Variants in GRIP1 observed in about 807,000 individuals in gnomAD.
GRIP1 encodes glutamate receptor interacting protein 1, also known as glutamate receptor-interacting protein 1.
GRIP1 carries 45 observed loss-of-function variants against 129.9 expected under a neutral mutation model. The observed-to-expected ratio is 0.35, with a 90% CI of 0.27 to 0.44. The LOEUF is 0.44. GRIP1 is among the 20% of genes least tolerant of loss of function. GRIP1 has a pLI of 1.00. For synonymous variants in GRIP1, 530 were observed against 520.8 expected (o/e 1.02, Z -0.24); for missense variants, 1,196 against 1,396.8 (o/e 0.86, Z 2.29).
chr12:66,466,365 T>C (rs1783152817), intron 7 of GRIP1, among the ~76,000 whole-genome samples: 1 of 152,188 alleles, frequency 6.6e-6, no homozygotes, highest in African/African-American at 2.4e-5. Flanking sequence ...GAATAATGAT[T>C]AGCACATCAG....
intron 1 of GRIP1, among the ~76,000 whole-genome samples, chr12:66,991,603 T>C (rs1297923776): frequency 1.3e-5 from 2 of 152,214 alleles, no homozygotes. Flanking sequence ...AGAGAAAACT[T>C]GGGCACAGCC....
intron 1 of GRIP1, among the ~76,000 whole-genome samples, chr12:66,623,205 C>G (rs1338759435): frequency 6.6e-6 from 1 of 152,140 alleles, no homozygotes; most frequent in Non-Finnish European, 1.5e-5. Context: ...GAGATATAGC[C>G]TAAGTCTCTC....
intron 1 of GRIP1, among the ~76,000 whole-genome samples, chr12:66,655,903 G>C (rs1191533203): frequency 6.6e-6 from 1 of 152,020 alleles, no homozygotes; most frequent in East Asian, 1.9e-4. Context: ...CTGGCCTTCT[G>C]TACTTTTATG....
chr12:66,538,751 C>T (rs571264669), intron 4 of GRIP1, among the ~76,000 whole-genome samples: 1 of 151,036 alleles, frequency 6.6e-6, no homozygotes, highest in South Asian at 2.1e-4. Context: ...TACAGGTGTG[C>T]ACCACCATGC....
chr12:66,976,796 G>A (rs1297694709), intron 1 of GRIP1, among the ~76,000 whole-genome samples: 1 of 152,120 alleles, frequency 6.6e-6, no homozygotes, highest in African/African-American at 2.4e-5. Context: ...ACTATCTGAA[G>A]ACTTCTGCCT....
At chr12:66,442,921 T>C (rs1565741937) in intron 13 of GRIP1, among the ~76,000 whole-genome samples, 1 of 152,208 alleles carries the variant, frequency 6.6e-6, no homozygotes, top group Non-Finnish European at 1.5e-5. Context: ...ATATAAGCTT[T>C]TTTTACTTTC....
At chr12:66,672,974 A>T (rs1416712040) in intron 1 of GRIP1, among the ~76,000 whole-genome samples, 3 of 152,162 alleles carry the variant, frequency 2.0e-5, no homozygotes, top group Non-Finnish European at 2.9e-5. Flanking sequence ...AGGTTGACAT[A>T]TCTTCTAATT....
chr12:66,690,765 G>A (rs528147358), intron 1 of GRIP1, among the ~76,000 whole-genome samples: 28 of 148,848 alleles, frequency 1.9e-4, no homozygotes, highest in African/African-American at 6.2e-4. Flanking sequence ...ACAAGTTCTC[G>A]CTATGTTGCT....
chr12:66,548,557 C>T (rs1473826208), intron 2 of GRIP1, among the ~76,000 whole-genome samples: 5 of 152,146 alleles, frequency 3.3e-5, no homozygotes, highest in African/African-American at 9.7e-5. Context: ...CTATGCCACC[C>T]AGAGGCAACA....
chr12:66,867,502 A>G lies in GRIP1; in HGVS notation c.58+201548T>C, dbSNP rs2040227026. 3.3e-5 allele frequency among the ~76,000 whole-genome samples: 5 copies of G among 152,260 alleles called. No individual in the cohort carries two copies. In the South Asian group the frequency reaches 1.0e-3, roughly 32 times the overall value. On this transcript the variant is annotated intron_variant, in intron 1 of 1. Coordinates refer to the GRIP1 transcript ENST00000643019. ...CAAAGTGTAGGCAAGGGTCCTACGA[A>G]AGATTTCAAATATACTTGTTATGTT...
At chr12:67,002,228 A>G (rs1318914718) in intron 1 of GRIP1, among the ~76,000 whole-genome samples, 1 of 152,198 alleles carries the variant, frequency 6.6e-6, no homozygotes, top group African/African-American at 2.4e-5. Flanking sequence ...TAGCACAACT[A>G]TTTTTTCCCA....
chr12:66,657,238 T>C (rs890482771), intron 1 of GRIP1, among the ~76,000 whole-genome samples: 2 of 151,976 alleles, frequency 1.3e-5, no homozygotes, highest in African/African-American at 2.4e-5. Flanking sequence ...GAAAGGAAGA[T>C]GATGATGAGA....
At chr12:66,736,555 G>T (rs1433165742) in intron 1 of GRIP1, among the ~76,000 whole-genome samples, 1 of 151,618 alleles carries the variant, frequency 6.6e-6, no homozygotes, top group Non-Finnish European at 1.5e-5. Flanking sequence ...CATCATAAGG[G>T]TCTTCATCCT....
In GRIP1 at chr12:66,899,280, A is replaced by G. The variant is rs182880430; in HGVS notation, c.58+169770T>C. ...TCTCTCATTCACTAGTCAATGAAACACTCATTCAGTGAAATGCTGCTGTCA... is the reference window on the plus strand; with the variant it reads ...TCTCTCATTCACTAGTCAATGAAACGCTCATTCAGTGAAATGCTGCTGTCA... On this transcript the variant is annotated intron_variant, in intron 1 of 1. Transcript: ENST00000643019. 5.3e-3 allele frequency among the ~76,000 whole-genome samples: 803 copies of G among 152,046 alleles called. 11 individuals are homozygous for G. The highest frequency in any genetic ancestry group is 0.016 in the African/African-American group (678 of 41,456).
intron 1 of GRIP1, among the ~76,000 whole-genome samples, chr12:66,820,269 G>A (rs1016888716): frequency 2.6e-5 from 4 of 152,136 alleles, no homozygotes; most frequent in East Asian, 3.9e-4. Flanking sequence ...AGTCATATGC[G>A]ATTAGAGAAA....
intron 22 of GRIP1, among the ~76,000 whole-genome samples, chr12:66,375,289 T>C (rs917065498): frequency 1.3e-5 from 2 of 152,202 alleles, no homozygotes; most frequent in African/African-American, 4.8e-5. Flanking sequence ...GGTGCTAAAG[T>C]TGAACCTAAA....
intron 2 of GRIP1, among the ~76,000 whole-genome samples, chr12:66,569,500 C>T (rs774144994): frequency 2.0e-5 from 3 of 152,076 alleles, no homozygotes; most frequent in Non-Finnish European, 2.9e-5. Context: ...GTTAACTTTC[C>T]TGTCAAAGTT....
intron 1 of GRIP1, among the ~76,000 whole-genome samples, chr12:66,689,726 G>A (rs1324896806): frequency 6.6e-6 from 1 of 151,912 alleles, no homozygotes; most frequent in African/African-American, 2.4e-5. Context: ...AAACAATACA[G>A]TATTATTAAC....
At chr12:66,697,091 AT>A (rs138190408) in intron 1 of GRIP1, among the ~76,000 whole-genome samples, 2,077 of 152,276 alleles carry the variant, frequency 0.014, 45 homozygotes, top group African/African-American at 0.047. Flanking sequence ...CTTTATAAAC[AT>A]TTGGTAGTGA....
Sources: gnomAD v4.1 joint callset for allele counts (sites outside exome capture counted in the v4.1 genomes callset) on GRCh38, gnomAD v4.1.1 for gene constraint, MANE v1.5 for transcripts, NCBI Gene and HGNC (gene_info 2026-07-23, HGNC 2026-07-21) for gene names.